Variants in SPATA6 observed in about 807,000 individuals in gnomAD.
SPATA6 encodes spermatogenesis associated 6, also known as spermatogenesis-associated protein 6.
In SPATA6, 56 loss-of-function variants were observed where a neutral mutation model predicts 65.3. The observed-to-expected ratio is 0.86, with a 90% CI of 0.69 to 1.07. The LOEUF (loss-of-function observed/expected upper bound fraction) is 1.07. Ranked by LOEUF, SPATA6 falls within the 50% of genes least tolerant of loss-of-function variation. SPATA6 has a pLI of 0.00. For synonymous variants in SPATA6, 199 were observed against 213.2 expected, an observed-to-expected ratio of 0.93 and a Z score of 0.58; for missense variants, 590 against 594.8, an observed-to-expected ratio of 0.99 and a Z score of 0.08.
chr1:48,469,504 TGTG>T (rs1032644029), intron 1 of SPATA6, among the ~76,000 whole-genome samples: 1 of 149,856 alleles, frequency 6.7e-6, no homozygotes, highest in African/African-American at 2.5e-5. Flanking sequence ...ATATATGTTG[TGTG>T]GTATGTGAGA....
chr1:48,455,784 G>T (rs1254350201), intron 1 of SPATA6, among the ~76,000 whole-genome samples: 1 of 151,982 alleles, frequency 6.6e-6, no homozygotes, highest in African/African-American at 2.4e-5. Flanking sequence ...TGCTCTAATT[G>T]TCCTCATTGG....
At chr1:48,350,539 C>G (rs1306529216) in intron 11 of SPATA6, among the ~76,000 whole-genome samples, 1 of 151,752 alleles carries the variant, frequency 6.6e-6, no homozygotes, top group Non-Finnish European at 1.5e-5. Context: ...AGAAGTTTTA[C>G]AGTTTTACAT....
chr1:48,337,112 A>C (rs962117332), intron 11 of SPATA6, among the ~76,000 whole-genome samples: 21 of 152,082 alleles, frequency 1.4e-4, no homozygotes, highest in African/African-American at 5.1e-4. Context: ...CTTGCAGACC[A>C]ATCACTGTCA....
chr1:48,365,493 TC>T (rs1557619024), intron 9 of SPATA6, among the ~76,000 whole-genome samples: 1 of 152,156 alleles, frequency 6.6e-6, no homozygotes, highest in Non-Finnish European at 1.5e-5. Flanking sequence ...GGTTTATAGT[TC>T]TCCTTGAAGA....
At chr1:48,400,870 G>A in intron 6 of SPATA6, 1 of 1,254,254 alleles carries the variant, frequency 8.0e-7, no homozygotes, top group South Asian at 1.4e-5. Context: ...AAGTAATTCA[G>A]AATTTTTCTA....
chr1:48,339,131 C>T (rs1006225108), intron 11 of SPATA6, among the ~76,000 whole-genome samples: 2 of 151,786 alleles, frequency 1.3e-5, no homozygotes, highest in Admixed American at 1.3e-4. Flanking sequence ...ACAGAAATGG[C>T]CTCAGTCTCT....
At chr1:48,415,186 T>C (rs1193392293) in intron 3 of SPATA6, among the ~76,000 whole-genome samples, 2 of 152,194 alleles carry the variant, frequency 1.3e-5, no homozygotes, top group African/African-American at 4.8e-5. Flanking sequence ...TGTTTTGAAA[T>C]GATTAGTCTT....
chr1:48,368,567 T>C (rs1333704743), intron 9 of SPATA6, among the ~76,000 whole-genome samples: 3 of 152,232 alleles, frequency 2.0e-5, no homozygotes, highest in Non-Finnish European at 2.9e-5. Context: ...ACTGATACCC[T>C]TTCTTCCAGT....
the SPATA6 span, among the ~76,000 whole-genome samples, chr1:48,278,076 T>C: frequency 1.3e-5 from 2 of 152,204 alleles, no homozygotes; most frequent in Non-Finnish European, 1.5e-5. Context: ...AAACAGCGTC[T>C]GGAGTGGACC....
chr1:48,365,707 G>A lies in SPATA6; in HGVS notation c.910-5937C>T, dbSNP rs547390933. Reference sequence around the variant, plus strand: ...GGAGATTTTGGGCTGAGATGATGGGGTTTTCTAGATATACAATCATGTCAT... The same window carrying A: ...GGAGATTTTGGGCTGAGATGATGGGATTTTCTAGATATACAATCATGTCAT... On this transcript the variant is annotated intron_variant, in intron 9 of 12. Transcript: ENST00000371847. 1.6e-4 allele frequency among the ~76,000 whole-genome samples: 24 copies of A among 152,250 alleles called. No individual in the cohort carries two copies. In the South Asian group the frequency reaches 2.1e-3, roughly 13 times the overall value.
intron 11 of SPATA6, among the ~76,000 whole-genome samples, chr1:48,311,599 T>TAGGAACTTAGGG (rs1490859674): frequency 3.9e-5 from 6 of 152,190 alleles, no homozygotes; most frequent in Non-Finnish European, 7.3e-5. Flanking sequence ...GGAGCCAAGA[T>TAGGAACTTAGGG]AGCTGAATAG....
intron 11 of SPATA6, among the ~76,000 whole-genome samples, chr1:48,317,838 T>C (rs904457960): frequency 1.3e-5 from 2 of 152,162 alleles, no homozygotes; most frequent in African/African-American, 4.8e-5. Context: ...ATTCCTTTGA[T>C]ACCAAAAGCA....
At chr1:48,281,985 G>T in the SPATA6 span, among the ~76,000 whole-genome samples, 3 of 152,060 alleles carry the variant, frequency 2.0e-5, no homozygotes, top group African/African-American at 4.8e-5. Context: ...CCAAAACAGA[G>T]ATATATATCA....
chr1:48,336,768 C>A (rs1488503752), intron 11 of SPATA6, among the ~76,000 whole-genome samples: 1 of 151,494 alleles, frequency 6.6e-6, no homozygotes, highest in African/African-American at 2.4e-5. Flanking sequence ...GTACATGTAC[C>A]ACTGAACCTA....
chr1:48,445,336 T>C (rs1217377872), intron 3 of SPATA6, among the ~76,000 whole-genome samples: 1 of 152,128 alleles, frequency 6.6e-6, no homozygotes, highest in African/African-American at 2.4e-5. Context: ...TCCCCTCCTT[T>C]CCCCTTCCAT....
chr1:48,325,214 A>G, intron 11 of SPATA6: 1 of 716,492 alleles, frequency 1.4e-6, no homozygotes, highest in Non-Finnish European at 2.5e-6. Context: ...TGCTGCTGGC[A>G]CAATGGGAGT....
In SPATA6 at chr1:48,468,486, C is replaced by T. The variant is rs575197634; in HGVS notation, c.51+3472G>A. Among the ~76,000 whole-genome samples the T allele has an allele frequency of 1.3e-4, 20 of 152,284 alleles. No homozygotes were observed. The South Asian group carries it at 4.1e-3, about 32-fold the overall frequency. ...CACTGTACAAAGTGATGTTTTGCTA[C>T]AGGTATGTACACTGTGAAATGATTA... is the stretch of plus-strand genomic sequence containing the variant. On this transcript the variant is annotated intron_variant, in intron 1 of 12. Transcript: ENST00000371847.
At chr1:48,283,187 G>GT in the SPATA6 span, among the ~76,000 whole-genome samples, 1 of 83,476 alleles carries the variant, frequency 1.2e-5, no homozygotes, top group East Asian at 4.3e-4. Context: ...CTGTTGTGGG[G>GT]TGGGGGGAGG....
intron 11 of SPATA6, among the ~76,000 whole-genome samples, chr1:48,316,719 A>G (rs1246935344): frequency 9.2e-5 from 14 of 152,206 alleles, no homozygotes; most frequent in Non-Finnish European, 1.8e-4. Flanking sequence ...GCACAGCAAA[A>G]GAAACTACCA....
Sources: allele counts gnomAD v4.1 joint callset (sites outside exome capture counted in the v4.1 genomes callset), GRCh38; gene constraint gnomAD v4.1.1; transcripts MANE v1.5; gene names NCBI Gene and HGNC (gene_info 2026-07-23, HGNC 2026-07-21).